DENND1A: variants seen among roughly 807,000 people sequenced by gnomAD.
DENND1A encodes the protein DENN domain containing 1A.
In DENND1A, 51 loss-of-function variants were observed where a neutral mutation model predicts 113.7. The observed-to-expected ratio is 0.45, with a 90% CI of 0.36 to 0.57. The LOEUF (loss-of-function observed/expected upper bound fraction) is 0.57. DENND1A is among the 20% of genes least tolerant of loss of function. The probability of loss-of-function intolerance (pLI) is 0.00; values close to 1 mark genes in which losing one functional copy is unlikely to be tolerated. For synonymous variants in DENND1A, 565 were observed against 570.8 expected (o/e 0.99, Z 0.14); for missense variants, 1,258 against 1,395.9 (o/e 0.90, Z 1.57).
intron 2 of DENND1A, among the ~76,000 whole-genome samples, chr9:123,814,140 C>A (rs1590198212): frequency 6.6e-6 from 1 of 151,998 alleles, no homozygotes; most frequent in South Asian, 2.1e-4. Flanking sequence ...AAAAGAACAC[C>A]ATTTTAAGTT....
intron 3 of DENND1A, among the ~76,000 whole-genome samples, chr9:123,788,193 T>C (rs772528935): frequency 1.3e-5 from 2 of 152,188 alleles, no homozygotes; most frequent in Admixed American, 1.3e-4. Flanking sequence ...TAAGAAGTAA[T>C]CATATTATAA....
At chr9:123,571,720 T>C (rs775012131) in intron 12 of DENND1A, among the ~76,000 whole-genome samples, 3 of 152,254 alleles carry the variant, frequency 2.0e-5, no homozygotes, top group Non-Finnish European at 4.4e-5. Context: ...ACATTTCGGT[T>C]ACTTTCAGTT....
chr9:123,631,686 A>G (rs1022640535), intron 9 of DENND1A, among the ~76,000 whole-genome samples: 1 of 152,156 alleles, frequency 6.6e-6, no homozygotes, highest in Non-Finnish European at 1.5e-5. Flanking sequence ...TAGGTAATCA[A>G]TTGCTCTGGC....
At chr9:123,726,885 G>A (rs1193209404) in intron 5 of DENND1A, among the ~76,000 whole-genome samples, 1 of 152,156 alleles carries the variant, frequency 6.6e-6, no homozygotes, top group Non-Finnish European at 1.5e-5. Context: ...CAAAAAGTTT[G>A]CCTTCTAAGA....
chr9:123,718,208 G>A (rs1244431468), intron 5 of DENND1A, among the ~76,000 whole-genome samples: 1 of 152,236 alleles, frequency 6.6e-6, no homozygotes, highest in African/African-American at 2.4e-5. Flanking sequence ...AAGGGAATGG[G>A]ATTTCCCAGG....
In DENND1A at chr9:123,683,191, C is replaced by T. The variant is rs1349192378; in HGVS notation, c.303-6402G>A. On this transcript the variant is annotated intron_variant, in intron 5 of 23. Coordinates refer to ENST00000394215, the MANE Select transcript of DENND1A (RefSeq NM_001352964.2). ...AAGCCCATGTTGGACATGCTGGATACCTGCACAGAGTTGAGGCAAAGTCAC... is the reference window on the plus strand; with the variant it reads ...AAGCCCATGTTGGACATGCTGGATATCTGCACAGAGTTGAGGCAAAGTCAC... 3.9e-5 allele frequency among the ~76,000 whole-genome samples: 6 copies of T among 152,128 alleles called. No homozygotes were observed. In the East Asian group the frequency reaches 9.6e-4, roughly 24 times the overall value.
chr9:123,502,033 C>G (rs1197692754), intron 13 of DENND1A, among the ~76,000 whole-genome samples: 1 of 152,140 alleles, frequency 6.6e-6, no homozygotes, highest in Admixed American at 6.5e-5. Context: ...AACCCTAATA[C>G]AGGCTCCATA....
Position 123,687,627 on chromosome 9 carries a change from G to A in DENND1A, c.303-10838C>T, listed in dbSNP as rs565995817. Among the ~76,000 whole-genome samples, 13 of 152,280 alleles carry A rather than the reference G, an allele frequency of 8.5e-5. No individual in the cohort carries two copies. In the South Asian group the frequency reaches 2.1e-3, roughly 24 times the overall value. ...TAGAGAGCTGGCAACAAAGACAGAC[G>A]GGAAACTGGTCTGCTCTCAAGTTAC... On this transcript the variant is annotated intron_variant, in intron 5 of 23. Coordinates refer to ENST00000394215, the MANE Select transcript of DENND1A (RefSeq NM_001352964.2).
chr9:123,404,586 C>T (rs1409620152), intron 20 of DENND1A, among the ~76,000 whole-genome samples: 2 of 143,748 alleles, frequency 1.4e-5, no homozygotes, highest in East Asian at 2.1e-4. Context: ...CAGGACAAGA[C>T]AGGGAAGGGA....
At chr9:123,421,516 G>A (rs1374456603) in intron 19 of DENND1A, among the ~76,000 whole-genome samples, 2 of 152,116 alleles carry the variant, frequency 1.3e-5, no homozygotes, top group Non-Finnish European at 2.9e-5. Flanking sequence ...CTTTTGTCCT[G>A]CTAAGTCTGT....
chr9:123,512,291 G>A (rs1395524526), intron 13 of DENND1A, among the ~76,000 whole-genome samples: 4 of 152,186 alleles, frequency 2.6e-5, no homozygotes, highest in South Asian at 2.1e-4. Context: ...TTTTTCCTCC[G>A]TGAATGCAGA....
chr9:123,743,317 C>G (rs1376847427), intron 5 of DENND1A, among the ~76,000 whole-genome samples: 1 of 152,072 alleles, frequency 6.6e-6, no homozygotes, highest in Non-Finnish European at 1.5e-5. Flanking sequence ...GGGAGAATCA[C>G]TTGAACTCAG....
chr9:123,688,867 T>C (rs2140340892), intron 5 of DENND1A, among the ~76,000 whole-genome samples: 1 of 152,110 alleles, frequency 6.6e-6, no homozygotes, highest in Non-Finnish European at 1.5e-5. Context: ...TGAAAAGCAG[T>C]CCATAATGTT....
At chr9:123,463,094 TC>T (rs2048665049) in intron 13 of DENND1A, among the ~76,000 whole-genome samples, 1 of 152,218 alleles carries the variant, frequency 6.6e-6, no homozygotes, top group Admixed American at 6.5e-5. Flanking sequence ...AAGCCCTTTG[TC>T]TTCTTAGGTG....
At chr9:123,929,361 G>C (rs959813764) in intron 1 of DENND1A, among the ~76,000 whole-genome samples, 15 of 152,180 alleles carry the variant, frequency 9.9e-5, no homozygotes, top group African/African-American at 3.4e-4. Flanking sequence ...ATAAGAGGGG[G>C]GAAATAGAGA....
chr9:123,413,613 T>A (rs1437209660), intron 19 of DENND1A: 1 of 985,236 alleles, frequency 1.0e-6, no homozygotes, highest in African/African-American at 1.7e-5. Context: ...TGGTGGAGGG[T>A]TCCCTGGCGG....
intron 12 of DENND1A, among the ~76,000 whole-genome samples, chr9:123,579,997 G>T (rs1384064512): frequency 6.6e-6 from 1 of 152,176 alleles, no homozygotes; most frequent in African/African-American, 2.4e-5. Context: ...CGCTGAGACT[G>T]TCAGGACATA....
chr9:123,533,195 G>A (rs923939264), intron 13 of DENND1A, among the ~76,000 whole-genome samples: 13 of 152,186 alleles, frequency 8.5e-5, no homozygotes, highest in Non-Finnish European at 1.3e-4. Flanking sequence ...TACTAGCCAC[G>A]TGGTCAGAGA....
chr9:123,849,673 T>C (rs1211875368), intron 2 of DENND1A, among the ~76,000 whole-genome samples: 1 of 152,226 alleles, frequency 6.6e-6, no homozygotes, highest in African/African-American at 2.4e-5. Flanking sequence ...AGGCTATAGC[T>C]GCAATATATA....
Sources: allele counts gnomAD v4.1 joint callset (sites outside exome capture counted in the v4.1 genomes callset), GRCh38; gene constraint gnomAD v4.1.1; transcripts MANE v1.5; gene names NCBI Gene and HGNC (gene_info 2026-07-23, HGNC 2026-07-21).